Variants in FMN1 observed in about 807,000 individuals in gnomAD.
FMN1 encodes the protein formin-1.
Under a neutral mutation model 132.4 loss-of-function variants are expected in FMN1, and 110 were observed. The observed-to-expected ratio is 0.83, with a 90% CI of 0.71 to 0.97. FMN1 has a LOEUF of 0.97. Among genes scored for constraint, FMN1 ranks in the 50% least tolerant of loss-of-function variants. The pLI, the probability that FMN1 is intolerant of heterozygous loss-of-function variation, is 0.00. For synonymous variants in FMN1, 722 were observed against 651.7 expected, an observed-to-expected ratio of 1.11 and a Z score of -1.64; for missense variants, 1,792 against 1,705.3, an observed-to-expected ratio of 1.05 and a Z score of -0.90.
intron 9 of FMN1, among the ~76,000 whole-genome samples, chr15:32,963,043 C>A (rs1317964847): frequency 2.8e-5 from 4 of 143,646 alleles, no homozygotes; most frequent in Non-Finnish European, 6.0e-5. Context: ...CACATGCACA[C>A]GTATGTTTAT....
chr15:33,085,132 A>G lies in FMN1; in HGVS notation c.2043+3667T>C, dbSNP rs575983354. ...TTTTACTTTTTGATTTCTGTAAGCT[A>G]TTGGGAAACAGGTGCTGTTTGGTTA... On this transcript the variant is annotated intron_variant, in intron 5 of 20. Transcript: ENST00000616417. Among the ~76,000 whole-genome samples the G allele has an allele frequency of 2.0e-5, 3 of 152,212 alleles. No individual in the cohort carries two copies. In the South Asian group the frequency reaches 6.2e-4, roughly 32 times the overall value.
chr15:32,789,056 C>A (rs554449588), intron 19 of FMN1, among the ~76,000 whole-genome samples: 1 of 152,262 alleles, frequency 6.6e-6, no homozygotes, highest in South Asian at 2.1e-4. Context: ...GCAAATCTTG[C>A]AATCAATTTC....
intron 4 of FMN1, among the ~76,000 whole-genome samples, chr15:33,123,508 G>A (rs1367549732): frequency 1.3e-5 from 2 of 152,106 alleles, no homozygotes; most frequent in Admixed American, 6.5e-5. Context: ...TAATAAATAT[G>A]TCCTCAAAAG....
intron 17 of FMN1, among the ~76,000 whole-genome samples, chr15:32,824,003 A>G (rs2058302740): frequency 6.6e-6 from 1 of 152,254 alleles, no homozygotes; most frequent in South Asian, 2.1e-4. Flanking sequence ...TTACAGGTCT[A>G]TAAAATGGCA....
intron 20 of FMN1, among the ~76,000 whole-genome samples, chr15:32,776,239 C>T (rs1053755954): frequency 1.3e-5 from 2 of 152,280 alleles, no homozygotes; most frequent in Non-Finnish European, 2.9e-5. Flanking sequence ...GACTATTGTC[C>T]GTAACACCTA....
At chr15:32,820,839 G>T (rs2058192754) in intron 17 of FMN1, among the ~76,000 whole-genome samples, 1 of 152,024 alleles carries the variant, frequency 6.6e-6, no homozygotes, top group African/African-American at 2.4e-5. Flanking sequence ...GCTTTTGCTT[G>T]TCTATTAACT....
intron 19 of FMN1, among the ~76,000 whole-genome samples, chr15:32,794,280 A>G (rs1258749): frequency 0.15 from 22,217 of 152,266 alleles, 1,702 homozygotes; most frequent in South Asian, 0.19. Flanking sequence ...TTTTCATTTC[A>G]CATAAAATTC....
intron 6 of FMN1, among the ~76,000 whole-genome samples, chr15:33,051,788 G>A (rs2036986082): frequency 6.6e-6 from 1 of 152,168 alleles, no homozygotes; most frequent in South Asian, 2.1e-4. Context: ...TGCACATGCT[G>A]ATAGCCCACT....
intron 7 of FMN1, among the ~76,000 whole-genome samples, chr15:32,996,844 G>A (rs2033800646): frequency 6.6e-6 from 1 of 152,168 alleles, no homozygotes; most frequent in Admixed American, 6.5e-5. Context: ...ATACAAGGAG[G>A]TGGCAGCATA....
At chr15:32,953,714 G>T (rs2061702418) in intron 9 of FMN1, among the ~76,000 whole-genome samples, 1 of 152,126 alleles carries the variant, frequency 6.6e-6, no homozygotes, top group Non-Finnish European at 1.5e-5. Context: ...AGGAAAAAAT[G>T]GTGGAGGGCC....
At position 32,768,052 on chromosome 15, in the gene FMN1, A is replaced by G. The variant is rs1326836098; in HGVS notation, c.*6258T>C. On this transcript the variant is annotated 3_prime_UTR_variant, in exon 21 of 21. Transcript: ENST00000616417. Reference sequence around the variant, plus strand: ...AACATCTAAAATGTAAAGATTTCAAATGTCCTTTTAGTCCCTTACTGGGAA... The same window carrying G: ...AACATCTAAAATGTAAAGATTTCAAGTGTCCTTTTAGTCCCTTACTGGGAA... The G allele has an allele frequency of 6.6e-6, 1 of 152,232 alleles. No individual in the cohort carries two copies. The highest frequency in any genetic ancestry group is 1.5e-5 in the Non-Finnish European group (1 of 68,034). 9.4% of individuals were successfully genotyped at this position (152,232 alleles called of 1,614,324 possible).
At chr15:32,956,938 C>T (rs570316262) in intron 9 of FMN1, among the ~76,000 whole-genome samples, 3 of 152,118 alleles carry the variant, frequency 2.0e-5, no homozygotes, top group Non-Finnish European at 4.4e-5. Flanking sequence ...AGAATTACAG[C>T]TATGATCCTT....
At chr15:33,004,604 T>G (rs527563946) in intron 7 of FMN1, among the ~76,000 whole-genome samples, 28 of 152,266 alleles carry the variant, frequency 1.8e-4, no homozygotes, top group African/African-American at 6.7e-4. Flanking sequence ...TGTAAACCAG[T>G]TCAACCATTG....
In FMN1 at chr15:33,089,773, G is replaced by A. The variant is rs931087483; in HGVS notation, c.1868-799C>T. Among the ~76,000 whole-genome samples the A allele has an allele frequency of 4.6e-5, 7 of 152,186 alleles. No homozygotes were observed. The South Asian group carries it at 6.2e-4, about 14-fold the overall frequency. On this transcript the variant is annotated intron_variant, in intron 4 of 20. Transcript: ENST00000616417. ...CCAGGCAGTTAAACAATAGAGGGCC[G>A]TGCTTTTAATGACCACACTATGGCC...
At chr15:32,902,492 A>G (rs1445760838) in intron 12 of FMN1, among the ~76,000 whole-genome samples, 1 of 152,250 alleles carries the variant, frequency 6.6e-6, no homozygotes, top group Non-Finnish European at 1.5e-5. Flanking sequence ...GTGATTTAAA[A>G]AAAAATCTCT....
chr15:32,802,829 G>A (rs749594111), intron 18 of FMN1, among the ~76,000 whole-genome samples: 5 of 152,190 alleles, frequency 3.3e-5, no homozygotes, highest in Non-Finnish European at 7.3e-5. Flanking sequence ...TTTATGCATT[G>A]TGAAGGGAAG....
At chr15:32,926,339 A>G in intron 9 of FMN1, 78 bp from the exon 10 acceptor site, 3 of 747,252 alleles carry the variant, frequency 4.0e-6, no homozygotes, top group Non-Finnish European at 2.2e-6. Context: ...CAAAAACATT[A>G]AATTTTTTTA....
At chr15:32,974,606 AT>A (rs767051070) in intron 7 of FMN1, among the ~76,000 whole-genome samples, 5 of 152,206 alleles carry the variant, frequency 3.3e-5, no homozygotes, top group Non-Finnish European at 7.3e-5. Flanking sequence ...GCTCAGGCCC[AT>A]CCCCACAGAC....
At position 33,069,991 on chromosome 15, in the gene FMN1, C is replaced by CTTT. The variant is rs1566888327; in HGVS notation, c.2044-4918_2044-4917insAAA. Among the ~76,000 whole-genome samples the CTTT allele has an allele frequency of 2.0e-3, 121 of 59,594 alleles. 2 individuals are homozygous for CTTT. The highest frequency in any genetic ancestry group is 7.4e-3 in the East Asian group (5 of 672). 39.1% of individuals were successfully genotyped at this position (59,594 alleles called of 152,430 possible). On this transcript the variant is annotated intron_variant, in intron 5 of 20. Transcript: ENST00000616417. Reference sequence around the variant, plus strand: ...ACAACAGATCATAAGATCAGTCTTTCTCTTTTTTTTTTTTTTTTTTTTTTT... The same window carrying CTTT: ...ACAACAGATCATAAGATCAGTCTTTCTTTTCTTTTTTTTTTTTTTTTTTTTTTT...
Sources: allele counts gnomAD v4.1 joint callset (sites outside exome capture counted in the v4.1 genomes callset), GRCh38; gene constraint gnomAD v4.1.1; transcripts MANE v1.5; gene names NCBI Gene and HGNC (gene_info 2026-07-23, HGNC 2026-07-21).